The following MATR3 variants were observed in gnomAD, a reference collection of about 807,000 sequenced individuals.
MATR3 encodes the protein matrin-3.
MATR3 carries 4 observed loss-of-function variants against 85.5 expected under a neutral mutation model. That is an observed-to-expected ratio of 0.05 (90% CI 0.02 to 0.11). The LOEUF (loss-of-function observed/expected upper bound fraction) is 0.11. MATR3 is among the 10% of genes least tolerant of loss of function. The pLI is 1.00. For synonymous variants in MATR3, 336 were observed against 343.1 expected, an observed-to-expected ratio of 0.98 and a Z score of 0.23; for missense variants, 685 against 1,016.1, an observed-to-expected ratio of 0.67 and a Z score of 4.43.
In MATR3 at chr5:139,275,348, C is replaced by T. The variant is rs1753235748; in HGVS notation, c.-286-773C>T. Among the ~76,000 whole-genome samples, 13 of 152,074 alleles carry T rather than the reference C, an allele frequency of 8.5e-5. No homozygotes were observed. The South Asian group carries it at 2.7e-3, about 32-fold the overall frequency. ...AGTAGTTGAGGTCTTGGCACGACTA[C>T]TGCCTCCAATTCCCCTCACATCCAA... On this transcript the variant is annotated intron_variant, in intron 1 of 16. Coordinates refer to ENST00000509990, the Ensembl canonical transcript of MATR3.
At chr5:139,305,292 C>CA (rs1173703607) in intron 1 of MATR3, among the ~76,000 whole-genome samples, 2 of 151,942 alleles carry the variant, frequency 1.3e-5, no homozygotes, top group African/African-American at 2.4e-5. Flanking sequence ...TATGAGCTAC[C>CA]AAAAAATGTA....
chr5:139,287,575 C>T (rs569689928), intron 3 of MATR3, among the ~76,000 whole-genome samples: 5 of 152,132 alleles, frequency 3.3e-5, no homozygotes, highest in East Asian at 1.9e-4. Context: ...GCCAAGATTG[C>T]GCCATTGCAC....
Position 139,293,779 on chromosome 5 carries a change from C to G in MATR3, c.-204C>G, listed in dbSNP as rs562981246. The G allele has an allele frequency of 2.5e-6, 1 of 395,048 alleles. No homozygotes were observed. The highest frequency in any genetic ancestry group is 4.5e-6 in the Non-Finnish European group (1 of 224,650). 24.5% of individuals were successfully genotyped at this position (395,048 alleles called of 1,614,324 possible). ...CCCGCTCGCTGGGAGAGAGGTACCT[C>G]TCCTTTTCCCTCTCCCTTTCCCTAA... On this transcript the variant is annotated 5_prime_UTR_variant, in exon 1 of 15. Coordinates refer to ENST00000394805, the MANE Select transcript of MATR3 (RefSeq NM_018834.6).
chr5:139,324,008 C>T (rs1755712847), intron 12 of MATR3, among the ~76,000 whole-genome samples: 1 of 152,052 alleles, frequency 6.6e-6, no homozygotes. Context: ...TATTTGATGG[C>T]TTGGTCAAAT....
intron 1 of MATR3, among the ~76,000 whole-genome samples, chr5:139,296,387 C>T (rs1754152843): frequency 6.6e-6 from 1 of 152,040 alleles, no homozygotes; most frequent in South Asian, 2.1e-4. Context: ...ACAATGTAAA[C>T]ATGAAAATAG....
rs566908826 is a variant in MATR3 at position 139,302,407 on chromosome 5, A to G, written c.-177-4832A>G. ...GTAGTTCTTCAGCATACTTCAAAAA[A>G]ACCCTTAAATGAAATAATTGTTACA... On this transcript the variant is annotated intron_variant, in intron 1 of 14. Transcript: ENST00000394805. 1.8e-4 allele frequency among the ~76,000 whole-genome samples: 27 copies of G among 152,370 alleles called. No homozygotes were observed. In the South Asian group the frequency reaches 5.0e-3, roughly 28 times the overall value.
At chr5:139,287,270 A>C (rs1230103247) in intron 3 of MATR3, among the ~76,000 whole-genome samples, 1 of 152,192 alleles carries the variant, frequency 6.6e-6, no homozygotes, top group East Asian at 1.9e-4. Flanking sequence ...TCTACTCAAA[A>C]TTGGAAAAGG....
chr5:139,305,394 C>A (rs1032179357), intron 1 of MATR3, among the ~76,000 whole-genome samples: 2 of 152,038 alleles, frequency 1.3e-5, no homozygotes, highest in Non-Finnish European at 2.9e-5. Flanking sequence ...TATATAATTT[C>A]TCTTAGGGAA....
chr5:139,294,368 A>C (rs1754025828), intron 1 of MATR3, among the ~76,000 whole-genome samples: 1 of 152,058 alleles, frequency 6.6e-6, no homozygotes, highest in Non-Finnish European at 1.5e-5. Flanking sequence ...CAGACTCTGA[A>C]GAGCCTGCTT....
chr5:139,302,671 C>A (rs780136449), intron 1 of MATR3, among the ~76,000 whole-genome samples: 6 of 152,210 alleles, frequency 3.9e-5, no homozygotes, highest in Non-Finnish European at 8.8e-5. Flanking sequence ...CAGCTACCTT[C>A]CAAATGGTGC....
chr5:139,326,815 C>A (rs1321244278), intron 14 of MATR3, among the ~76,000 whole-genome samples: 1 of 152,078 alleles, frequency 6.6e-6, no homozygotes, highest in Non-Finnish European at 1.5e-5. Flanking sequence ...TGTTTTCTAA[C>A]CATATTATAA....
chr5:139,300,986 G>A (rs1041961295), intron 1 of MATR3, among the ~76,000 whole-genome samples: 1 of 151,964 alleles, frequency 6.6e-6, no homozygotes, highest in African/African-American at 2.4e-5. Flanking sequence ...GCTCTTTTTT[G>A]TATTTTTGGG....
intron 1 of MATR3, among the ~76,000 whole-genome samples, chr5:139,303,762 C>G (rs1051394059): frequency 6.6e-6 from 1 of 151,786 alleles, no homozygotes; most frequent in African/African-American, 2.4e-5. Flanking sequence ...TTTTTTTAAA[C>G]TAAAAATCTT....
At chr5:139,277,107 T>G (rs1039310305) in intron 2 of MATR3, among the ~76,000 whole-genome samples, 22 of 152,202 alleles carry the variant, frequency 1.4e-4, no homozygotes, top group African/African-American at 5.1e-4. Context: ...GTAGTTGGGA[T>G]GATAGGTGTG....
intron 2 of MATR3, chr5:139,312,385 A>G (rs904625981): frequency 1.3e-5 from 2 of 152,298 alleles, no homozygotes; most frequent in Non-Finnish European, 2.9e-5. Flanking sequence ...TGCGTGAGCC[A>G]CTGCACCCGG....
At chr5:139,328,435 A>G (rs1755967718) in intron 14 of MATR3, among the ~76,000 whole-genome samples, 1 of 152,120 alleles carries the variant, frequency 6.6e-6, no homozygotes, top group Non-Finnish European at 1.5e-5. Context: ...TTGTACTTTC[A>G]TTAGTGTCTT....
intron 1 of MATR3, among the ~76,000 whole-genome samples, chr5:139,296,512 C>T (rs1754160965): frequency 6.6e-6 from 1 of 152,110 alleles, no homozygotes; most frequent in Admixed American, 6.5e-5. Context: ...AAATGAAAAA[C>T]ATATTTTGTA....
At chr5:139,317,496 C>T (rs1410875658) in intron 6 of MATR3, 100 bp from the exon 7 acceptor site, 24 of 1,180,546 alleles carry the variant, frequency 2.0e-5, no homozygotes, top group Non-Finnish European at 2.6e-5. Flanking sequence ...TACTTACACT[C>T]TCCTGGTTAA....
Position 139,326,152 on chromosome 5 carries a change from T to C in MATR3, c.2372-11T>C. 6.3e-7 allele frequency: 1 copy of C among 1,588,566 alleles called. No individual in the cohort carries two copies. Among genetic ancestry groups the C allele is most frequent in the Non-Finnish European group, 8.6e-7 (1 of 1,158,850 alleles). ...AGTTTAATTTGTAAGAATGTATGTT[T>C]GTATTTCTAGGTATAGACTATGTGA... On this transcript the variant is annotated splice_polypyrimidine_tract_variant and intron_variant, in intron 13 of 14. Coordinates refer to ENST00000394805, the MANE Select transcript of MATR3 (RefSeq NM_018834.6).
Sources: allele counts gnomAD v4.1 joint callset (sites outside exome capture counted in the v4.1 genomes callset), GRCh38; gene constraint gnomAD v4.1.1; transcripts MANE v1.5; gene names NCBI Gene and HGNC (gene_info 2026-07-23, HGNC 2026-07-21).